DMD: variants seen among roughly 807,000 people sequenced by gnomAD.
DMD encodes dystrophin.
Under a neutral mutation model 330.1 loss-of-function variants are expected in DMD, and 63 were observed. That is an observed-to-expected ratio of 0.19 (90% CI 0.16 to 0.24). The LOEUF (loss-of-function observed/expected upper bound fraction) is 0.24, where lower values mean the gene tolerates loss of function less well. Among genes scored for constraint, DMD ranks in the 10% least tolerant of loss-of-function variants. The pLI is 1.00. For synonymous variants in DMD, 1,223 were observed against 959.8 expected, an observed-to-expected ratio of 1.27 and a Z score of -5.07; for missense variants, 3,344 against 2,684.1, an observed-to-expected ratio of 1.25 and a Z score of -5.43.
chrX:31,375,354 G>T (rs1289586572), intron 60 of DMD, among the ~76,000 whole-genome samples: 1 of 111,386 alleles, frequency 9.0e-6, no homozygotes, highest in African/African-American at 3.3e-5. Flanking sequence ...TCTTAGAGGT[G>T]TAAATCCTGA....
At chrX:32,285,127 T>C (rs1159503785) in intron 43 of DMD, among the ~76,000 whole-genome samples, 3 of 112,430 alleles carry the variant, frequency 2.7e-5, no homozygotes, top group Admixed American at 9.4e-5. Context: ...GAAAGCGTTA[T>C]TTCTACTTTA....
At chrX:32,353,522 T>A (rs1363326759) in intron 37 of DMD, among the ~76,000 whole-genome samples, 1 of 111,424 alleles carries the variant, frequency 9.0e-6, no homozygotes, top group Non-Finnish European at 1.9e-5. Flanking sequence ...TTCTATTGAC[T>A]TTAAAGGAAA....
At chrX:32,544,952 T>C (rs2048832138) in intron 17 of DMD, among the ~76,000 whole-genome samples, 1 of 111,392 alleles carries the variant, frequency 9.0e-6, no homozygotes, top group Non-Finnish European at 1.9e-5. Context: ...AAAACACCAT[T>C]TCCATTAAGC....
chrX:32,680,000 C>A (rs1176008855), intron 9 of DMD, among the ~76,000 whole-genome samples: 1 of 99,575 alleles, frequency 1.0e-5, no homozygotes, highest in South Asian at 5.2e-4. Flanking sequence ...CTGCAACCTC[C>A]GCCTCTGGGG....
intron 45 of DMD, among the ~76,000 whole-genome samples, chrX:31,941,971 T>C (rs2095010674): frequency 8.9e-6 from 1 of 111,921 alleles, no homozygotes; most frequent in Admixed American, 9.5e-5. Context: ...TTTGTTACTG[T>C]ATAGTGCTGC....
chrX:31,362,672 C>A (rs759935423), intron 60 of DMD, among the ~76,000 whole-genome samples: 1 of 113,118 alleles, frequency 8.8e-6, no homozygotes, highest in African/African-American at 3.2e-5. Flanking sequence ...AGGCCGGGTG[C>A]GGTGGCTCAG....
chrX:32,371,452 A>C (rs2097877638), intron 34 of DMD, among the ~76,000 whole-genome samples: 1 of 110,600 alleles, frequency 9.0e-6, no homozygotes, highest in Admixed American at 9.7e-5. Context: ...AGAAAATCTT[A>C]TTCTACCATT....
chrX:32,506,538 T>A lies in DMD; in HGVS notation c.2293-4696A>T, dbSNP rs188266091. ...AAGAGTAAAATTTAAAAAAAATCTA[T>A]AAGGTAGTAATTTTGTTTTATTTTC... On this transcript the variant is annotated intron_variant, in intron 18 of 78. Transcript: ENST00000357033. 8.5e-3 allele frequency among the ~76,000 whole-genome samples: 941 copies of A among 110,484 alleles called. 17 individuals are homozygous for A. Among genetic ancestry groups the A allele is most frequent in the African/African-American group, 0.029 (895 of 30,439 alleles).
intron 9 of DMD, among the ~76,000 whole-genome samples, chrX:32,685,620 G>A (rs752569092): frequency 1.8e-5 from 2 of 111,203 alleles, no homozygotes; most frequent in East Asian, 5.7e-4. Flanking sequence ...TCTCATCATT[G>A]GCATCATTAC....
intron 1 of DMD, among the ~76,000 whole-genome samples, chrX:33,078,627 T>C (rs973449570): frequency 8.9e-6 from 1 of 111,900 alleles, no homozygotes; most frequent in Non-Finnish European, 1.9e-5. Flanking sequence ...TCCAAGAGCA[T>C]AATTTTTAAA....
intron 42 of DMD, among the ~76,000 whole-genome samples, chrX:32,288,581 C>T (rs2097453023): frequency 8.9e-6 from 1 of 111,950 alleles, no homozygotes; most frequent in Non-Finnish European, 1.9e-5. Context: ...CGAAAAGATT[C>T]TTTTAAAACA....
At chrX:33,067,760 G>A (rs1284065453) in intron 1 of DMD, among the ~76,000 whole-genome samples, 2 of 111,304 alleles carry the variant, frequency 1.8e-5, no homozygotes, top group Non-Finnish European at 3.8e-5. Context: ...CAAGAGAATC[G>A]CTTGAACCCG....
chrX:32,561,327 C>T (rs975502077), intron 16 of DMD, among the ~76,000 whole-genome samples: 1 of 111,089 alleles, frequency 9.0e-6, no homozygotes, highest in African/African-American at 3.3e-5. Flanking sequence ...CCTGATAGAG[C>T]TGAGAAACGC....
intron 17 of DMD, 141 bp downstream of exon 17, chrX:32,545,018 A>G (rs1217544815): frequency 3.6e-6 from 2 of 553,377 alleles, no homozygotes; most frequent in Non-Finnish European, 5.9e-6. Context: ...TGTACTTCAT[A>G]ATTTTTCTCA....
At chrX:32,677,055 G>A (rs1159382197) in intron 9 of DMD, among the ~76,000 whole-genome samples, 1 of 111,053 alleles carries the variant, frequency 9.0e-6, no homozygotes, top group African/African-American at 3.3e-5. Flanking sequence ...ATTTTTGCAT[G>A]TTTTAAAATA....
chrX:31,468,792 G>T (rs1447403095), intron 59 of DMD, among the ~76,000 whole-genome samples: 1 of 111,312 alleles, frequency 9.0e-6, no homozygotes, highest in Non-Finnish European at 1.9e-5. Flanking sequence ...TATTGTATGG[G>T]CATCTATGTC....
At chrX:31,690,362 G>A (rs1325880637) in intron 52 of DMD, among the ~76,000 whole-genome samples, 1 of 112,190 alleles carries the variant, frequency 8.9e-6, no homozygotes, top group Non-Finnish European at 1.9e-5. Flanking sequence ...AAAGACACAT[G>A]AAAAAATGCT....
chrX:32,272,579 T>C (rs1402567825), intron 43 of DMD, among the ~76,000 whole-genome samples: 2 of 111,982 alleles, frequency 1.8e-5, no homozygotes, highest in Admixed American at 1.9e-4. Context: ...GGAGGCAGGC[T>C]ATGTAGTGGA....
At chrX:32,452,797 CTG>C in intron 26 of DMD, among the ~76,000 whole-genome samples, 1 of 111,019 alleles carries the variant, frequency 9.0e-6, no homozygotes, top group East Asian at 2.9e-4. Flanking sequence ...AGAATAAAAA[CTG>C]TGATACTCTA....
Sources: gnomAD v4.1 joint callset for allele counts (sites outside exome capture counted in the v4.1 genomes callset) on GRCh38, gnomAD v4.1.1 for gene constraint, MANE v1.5 for transcripts, NCBI Gene and HGNC (gene_info 2026-07-23, HGNC 2026-07-21) for gene names.